ITGA9: variants seen among roughly 807,000 people sequenced by gnomAD.
ITGA9 encodes the protein integrin subunit alpha 9, also known as integrin alpha-9.
In ITGA9, 56 loss-of-function variants were observed where a neutral mutation model predicts 127.8. That is an observed-to-expected ratio of 0.44 (90% CI 0.35 to 0.55). ITGA9 has a LOEUF of 0.55. ITGA9 is among the 20% of genes least tolerant of loss of function. The probability of loss-of-function intolerance (pLI) is 0.00; values close to 1 mark genes in which losing one functional copy is unlikely to be tolerated. For synonymous variants in ITGA9, 508 were observed against 514.5 expected, an observed-to-expected ratio of 0.99 and a Z score of 0.17; for missense variants, 1,196 against 1,347.1, an observed-to-expected ratio of 0.89 and a Z score of 1.76.
intron 23 of ITGA9, among the ~76,000 whole-genome samples, chr3:37,774,990 CTTTAGT>C (rs1451451576): frequency 2.0e-5 from 3 of 152,122 alleles, no homozygotes; most frequent in Non-Finnish European, 4.4e-5. Flanking sequence ...GCATTGTTAG[CTTTAGT>C]TTATTTGTGT....
intron 15 of ITGA9, among the ~76,000 whole-genome samples, chr3:37,614,366 A>G (rs1700053366): frequency 6.6e-6 from 1 of 152,152 alleles, no homozygotes; most frequent in African/African-American, 2.4e-5. Context: ...TGGTTACTGT[A>G]GCCTTGTAGT....
At chr3:37,764,707 T>C (rs1696760398) in intron 23 of ITGA9, among the ~76,000 whole-genome samples, 1 of 152,282 alleles carries the variant, frequency 6.6e-6, no homozygotes, top group Admixed American at 6.5e-5. Context: ...GGAAAGCTAC[T>C]CATTCTTCAA....
At position 37,586,161 on chromosome 3, in the gene ITGA9, T is replaced by G. The variant is rs189628027; in HGVS notation, c.1690-43026T>G. Among the ~76,000 whole-genome samples, 224 of 152,326 alleles carry G rather than the reference T, an allele frequency of 1.5e-3. 4 individuals are homozygous for G. Among genetic ancestry groups the G allele is most frequent in the African/African-American group, 5.2e-3 (218 of 41,576 alleles). The stretch of plus-strand genomic sequence containing the variant: ...TGTGCCAACAGTATTTTACCAGAAT[T>G]GAATGAAAAGAAAGGTACCAGCAGA... On this transcript the variant is annotated intron_variant, in intron 15 of 27. Coordinates refer to ENST00000264741, the MANE Select transcript of ITGA9 (RefSeq NM_002207.3).
At chr3:37,679,632 C>T (rs887328688) in intron 17 of ITGA9, among the ~76,000 whole-genome samples, 5 of 152,106 alleles carry the variant, frequency 3.3e-5, no homozygotes, top group East Asian at 1.9e-4. Flanking sequence ...TTCAAGTGTT[C>T]ACTGAACACC....
chr3:37,667,872 T>G (rs1385332785), intron 17 of ITGA9, among the ~76,000 whole-genome samples: 1 of 152,210 alleles, frequency 6.6e-6, no homozygotes, highest in Non-Finnish European at 1.5e-5. Context: ...ATTTGACCCA[T>G]GGGCCCTCAC....
intron 18 of ITGA9, among the ~76,000 whole-genome samples, chr3:37,723,504 A>C (rs1559579006): frequency 6.6e-6 from 1 of 151,934 alleles, no homozygotes; most frequent in Non-Finnish European, 1.5e-5. Flanking sequence ...GGGGCTACAG[A>C]TGTGTGCTAC....
chr3:37,689,737 T>A (rs1700813806), intron 18 of ITGA9, among the ~76,000 whole-genome samples: 1 of 152,234 alleles, frequency 6.6e-6, no homozygotes, highest in Non-Finnish European at 1.5e-5. Flanking sequence ...TACAGCTCTA[T>A]GGCCCTGGAG....
chr3:37,584,360 G>A (rs1699736611), intron 15 of ITGA9, among the ~76,000 whole-genome samples: 1 of 152,124 alleles, frequency 6.6e-6, no homozygotes, highest in African/African-American at 2.4e-5. Flanking sequence ...CAAGTCATGA[G>A]GCCCAATCCA....
intron 3 of ITGA9, among the ~76,000 whole-genome samples, chr3:37,474,534 G>GC (rs772350014): frequency 2.1e-5 from 3 of 139,848 alleles, no homozygotes; most frequent in Admixed American, 7.1e-5. Context: ...TGAGTGCACA[G>GC]CCCGATGGGT....
At chr3:37,589,202 C>A (rs988499251) in intron 15 of ITGA9, among the ~76,000 whole-genome samples, 11 of 152,332 alleles carry the variant, frequency 7.2e-5, no homozygotes, top group African/African-American at 2.4e-4. Flanking sequence ...AAGGGAACAT[C>A]AGCGAATTGT....
At chr3:37,720,951 C>A (rs1397861023) in intron 18 of ITGA9, among the ~76,000 whole-genome samples, 1 of 152,056 alleles carries the variant, frequency 6.6e-6, no homozygotes, top group African/African-American at 2.4e-5. Context: ...TATTTTAAAT[C>A]TTTCAAAGCA....
At chr3:37,511,746 T>C (rs1055534596) in intron 8 of ITGA9, among the ~76,000 whole-genome samples, 4 of 152,146 alleles carry the variant, frequency 2.6e-5, no homozygotes, top group African/African-American at 7.2e-5. Flanking sequence ...GGCCTTGGCA[T>C]ATCACTGGGG....
chr3:37,599,440 C>G (rs1699897403), intron 15 of ITGA9, among the ~76,000 whole-genome samples: 1 of 152,194 alleles, frequency 6.6e-6, no homozygotes, highest in Non-Finnish European at 1.5e-5. Context: ...TTAGGAGGTT[C>G]TACAAGTGAG....
chr3:37,507,143 A>T (rs1022556440), intron 7 of ITGA9, among the ~76,000 whole-genome samples: 1 of 152,184 alleles, frequency 6.6e-6, no homozygotes, highest in Admixed American at 6.5e-5. Flanking sequence ...TCAAAACTGA[A>T]ACCAGATAAA....
At chr3:37,509,620 G>C (rs1698881303) in intron 8 of ITGA9, among the ~76,000 whole-genome samples, 1 of 152,088 alleles carries the variant, frequency 6.6e-6, no homozygotes, top group Non-Finnish European at 1.5e-5. Context: ...TATCCGAATA[G>C]GTACACTTAG....
chr3:37,732,406 C>T (rs1696303077), intron 18 of ITGA9, among the ~76,000 whole-genome samples: 1 of 152,102 alleles, frequency 6.6e-6, no homozygotes, highest in African/African-American at 2.4e-5. Context: ...GCCTTTTCAT[C>T]CAAACCTTAG....
chr3:37,607,234 G>A (rs539367403), intron 15 of ITGA9, among the ~76,000 whole-genome samples: 1 of 152,188 alleles, frequency 6.6e-6, no homozygotes, highest in East Asian at 1.9e-4. Flanking sequence ...GGCCTTTGAT[G>A]AGTGGCAGTT....
At chr3:37,524,537 T>G (rs1699074479) in intron 12 of ITGA9, among the ~76,000 whole-genome samples, 1 of 152,168 alleles carries the variant, frequency 6.6e-6, no homozygotes, top group African/African-American at 2.4e-5. Flanking sequence ...GAAAGACCCT[T>G]GTGGGCCTTT....
At chr3:37,561,567 A>C (rs1313796993) in intron 15 of ITGA9, among the ~76,000 whole-genome samples, 4 of 152,224 alleles carry the variant, frequency 2.6e-5, no homozygotes, top group Admixed American at 6.5e-5. Flanking sequence ...TGACTTTCCT[A>C]AACTGGGGTT....
Sources: gnomAD v4.1 joint callset for allele counts (sites outside exome capture counted in the v4.1 genomes callset) on GRCh38, gnomAD v4.1.1 for gene constraint, MANE v1.5 for transcripts, NCBI Gene and HGNC (gene_info 2026-07-23, HGNC 2026-07-21) for gene names.